Variants in DOCK1 observed in about 807,000 individuals in gnomAD.
DOCK1 encodes dedicator of cytokinesis 1, also known as dedicator of cytokinesis protein 1.
Under a neutral mutation model 262.7 loss-of-function variants are expected in DOCK1, and 138 were observed. That is an observed-to-expected ratio of 0.53 (90% CI 0.46 to 0.61). The LOEUF (loss-of-function observed/expected upper bound fraction) is 0.61, where lower values mean the gene tolerates loss of function less well. DOCK1 is among the 20% of genes least tolerant of loss of function. The probability of loss-of-function intolerance (pLI) is 0.00; values close to 1 mark genes in which losing one functional copy is unlikely to be tolerated. For missense variants in DOCK1, 1,908 were observed against 2,370.7 expected (o/e 0.80, Z 4.05); for synonymous variants, 866 against 867.4 (o/e 1.00, Z 0.03).
At chr10:127,418,637 C>A in intron 45 of DOCK1, 96 bp downstream of exon 45, 1 of 1,421,654 alleles carries the variant, frequency 7.0e-7, no homozygotes, top group South Asian at 1.4e-5. Flanking sequence ...CGCCCCTGGT[C>A]TCATTGAGCA....
chr10:127,351,956 G>T (rs768562747), intron 31 of DOCK1, among the ~76,000 whole-genome samples: 2 of 151,702 alleles, frequency 1.3e-5, no homozygotes, highest in Non-Finnish European at 2.9e-5. Context: ...AATTAAAACC[G>T]CATCTTTAGC....
intron 27 of DOCK1, among the ~76,000 whole-genome samples, chr10:127,134,808 T>G (rs887407817): frequency 6.6e-6 from 1 of 152,126 alleles, no homozygotes; most frequent in Non-Finnish European, 1.5e-5. Flanking sequence ...CCCTTGCACA[T>G]GGACTCTGTG....
chr10:127,336,461 C>G (rs1168875766), intron 29 of DOCK1, among the ~76,000 whole-genome samples: 2 of 151,970 alleles, frequency 1.3e-5, no homozygotes, highest in Non-Finnish European at 2.9e-5. Context: ...CCTCTCAGCC[C>G]TGCACTTTCT....
intron 49 of DOCK1, among the ~76,000 whole-genome samples, chr10:127,440,173 G>T (rs1180479386): frequency 6.9e-6 from 1 of 145,756 alleles, no homozygotes; most frequent in Non-Finnish European, 1.5e-5. Flanking sequence ...GGGGGTGGGG[G>T]GTGTGTTCCA....
chr10:126,960,723 AATAT>A (rs1159655828), intron 1 of DOCK1, among the ~76,000 whole-genome samples: 46 of 134,616 alleles, frequency 3.4e-4, no homozygotes, highest in East Asian at 6.3e-4. Flanking sequence ...CCTACCCTCA[AATAT>A]ATATATATAT....
intron 47 of DOCK1, among the ~76,000 whole-genome samples, chr10:127,429,708 G>A (rs532679436): frequency 6.6e-6 from 1 of 152,182 alleles, no homozygotes; most frequent in South Asian, 2.1e-4. Flanking sequence ...TGGGAGCTCT[G>A]CAGCCCAGCT....
At chr10:126,947,288 T>TA (rs2035504618) in intron 1 of DOCK1, among the ~76,000 whole-genome samples, 1 of 146,054 alleles carries the variant, frequency 6.8e-6, no homozygotes, top group Admixed American at 6.8e-5. Flanking sequence ...GTGATGGTGG[T>TA]GGTTGGTAGT....
chr10:127,153,856 A>G (rs753617569), intron 27 of DOCK1: 3 of 1,610,340 alleles, frequency 1.9e-6, no homozygotes, highest in Admixed American at 1.7e-5. Context: ...ACATACCTAT[A>G]GATAATACAT....
intron 32 of DOCK1, among the ~76,000 whole-genome samples, chr10:127,361,434 G>A (rs529756448): frequency 7.9e-5 from 12 of 152,256 alleles, no homozygotes; most frequent in Non-Finnish European, 1.8e-4. Flanking sequence ...ATTTAAATAA[G>A]CATTTTCCTA....
chr10:126,977,967 G>A lies in DOCK1; in HGVS notation c.150G>A (p.Thr50=), dbSNP rs777561205. 1.4e-5 allele frequency: 22 copies of A among 1,613,734 alleles called. No homozygotes were observed. Among genetic ancestry groups the A allele is most frequent in the East Asian group, 2.2e-5 (1 of 44,880 alleles). The part of the protein sequence containing the change: ...ETYEGWYRGY[T]LRKKSKKGIF... The stretch of plus-strand genomic sequence containing the variant: ...GTTTAGGGTGGTACCGAGGTTACAC[G>A]TTACGAAAAAAGTCTAAGAAGGTAA... Residue 50 remains threonine (T), a synonymous_variant, in exon 3 of 52, where the codon ACG becomes ACA. Transcript: ENST00000623213.
Position 127,032,237 on chromosome 10 carries a change from T to A in DOCK1, c.1829T>A (p.Met610Lys). ...GGCCACTCGGCCACCGGCAAGAGCA[T>A]GCAGAGCCTTGGGAGCTGCACCATT... is the stretch of plus-strand genomic sequence containing the variant. The part of the protein sequence containing the change: ...EKGHSATGKS[M>K]QSLGSCTISK... The change falls in exon 18 of 52, where the codon ATG becomes AAG. Residue 610 changes from methionine (M) to lysine (K), a missense_variant. By Grantham distance (95) the Met-to-Lys change is moderately conservative (BLOSUM62 -1). Coordinates refer to ENST00000623213, the MANE Select transcript of DOCK1 (RefSeq NM_001290223.2). 4 of 1,601,032 alleles carry A rather than the reference T, an allele frequency of 2.5e-6. No homozygotes were observed. The South Asian group carries it at 3.4e-5, about 14-fold the overall frequency.
intron 46 of DOCK1, among the ~76,000 whole-genome samples, chr10:127,420,503 G>T (rs148032982): frequency 6.6e-6 from 1 of 152,236 alleles, no homozygotes; most frequent in Non-Finnish European, 1.5e-5. Context: ...GGAGGGTGCT[G>T]TCCCCGAGAT....
intron 27 of DOCK1, among the ~76,000 whole-genome samples, chr10:127,128,797 AT>A (rs2050133262): frequency 6.6e-6 from 1 of 152,162 alleles, no homozygotes; most frequent in Non-Finnish European, 1.5e-5. Flanking sequence ...ATGTACACGT[AT>A]GTTTATTGCA....
intron 29 of DOCK1, among the ~76,000 whole-genome samples, chr10:127,338,577 T>C (rs2063296704): frequency 6.6e-6 from 1 of 152,192 alleles, no homozygotes; most frequent in Non-Finnish European, 1.5e-5. Context: ...CAGCAACCTC[T>C]TCCAAGCCTG....
intron 1 of DOCK1, among the ~76,000 whole-genome samples, chr10:126,923,923 C>G (rs1022755645): frequency 6.6e-6 from 1 of 152,190 alleles, no homozygotes; most frequent in African/African-American, 2.4e-5. Flanking sequence ...AGGCCCTTGC[C>G]AGACACCAAA....
At chr10:127,400,792 C>G (rs1385871273) in intron 38 of DOCK1, among the ~76,000 whole-genome samples, 1 of 152,184 alleles carries the variant, frequency 6.6e-6, no homozygotes, top group East Asian at 1.9e-4. Context: ...CTCCCACCCC[C>G]AGTCATGCCT....
intron 19 of DOCK1, among the ~76,000 whole-genome samples, chr10:127,040,852 A>G (rs1029813475): frequency 6.6e-6 from 1 of 152,170 alleles, no homozygotes; most frequent in African/African-American, 2.4e-5. Context: ...TTGTACAACT[A>G]TTACCACTGT....
In DOCK1 at chr10:127,288,793, A is replaced by ACACACACACACG. The variant is rs1170451414; in HGVS notation, c.3044+31375_3044+31376insGCACACACACAC. Among the ~76,000 whole-genome samples the ACACACACACACG allele has an allele frequency of 5.3e-5, 8 of 150,738 alleles. No homozygotes were observed. The East Asian group carries it at 1.2e-3, about 22-fold the overall frequency. Reference sequence around the variant, plus strand: ...ATATTTCACACACACACACACACACACACACACACACACATAAAATAGTTT... The same window carrying ACACACACACACG: ...ATATTTCACACACACACACACACACACACACACACACGCACACACACACACATAAAATAGTTT... On this transcript the variant is annotated intron_variant, in intron 29 of 51. Transcript: ENST00000623213.
intron 46 of DOCK1, among the ~76,000 whole-genome samples, chr10:127,421,285 G>A (rs1042534056): frequency 6.6e-6 from 1 of 152,082 alleles, no homozygotes; most frequent in Non-Finnish European, 1.5e-5. Flanking sequence ...TCAGCACATT[G>A]GCCAATGAGA....
Sources: gnomAD v4.1 joint callset for allele counts (sites outside exome capture counted in the v4.1 genomes callset) on GRCh38, gnomAD v4.1.1 for gene constraint, MANE v1.5 for transcripts, NCBI Gene and HGNC (gene_info 2026-07-23, HGNC 2026-07-21) for gene names.